ENPP2: variants seen among roughly 807,000 people sequenced by gnomAD.
ENPP2 encodes ectonucleotide pyrophosphatase/phosphodiesterase 2.
A neutral mutation model predicts 120.2 loss-of-function variants in ENPP2; 51 were observed. That is an observed-to-expected ratio of 0.42 (90% CI 0.34 to 0.54). ENPP2 has a LOEUF of 0.54. Ranked by LOEUF, ENPP2 falls within the 20% of genes least tolerant of loss-of-function variation. The pLI is 0.04. For synonymous variants in ENPP2, 365 were observed against 366.4 expected (o/e 1.00, Z 0.04); for missense variants, 920 against 1,066.5 (o/e 0.86, Z 1.91).
intron 6 of ENPP2, 56 bp from the exon 7 acceptor site, chr8:119,617,299 A>G (rs1587490736): frequency 7.1e-7 from 1 of 1,413,304 alleles, no homozygotes. Context: ...TTGCTTATAG[A>G]AAATCCATTT....
intron 1 of ENPP2, among the ~76,000 whole-genome samples, chr8:119,662,017 G>T (rs370771898): frequency 6.6e-6 from 1 of 152,098 alleles, no homozygotes; most frequent in East Asian, 1.9e-4. Flanking sequence ...GAGCCTAGGG[G>T]TGGGAGAAAT....
chr8:119,562,739 T>C (rs1359078835), intron 24 of ENPP2, 118 bp downstream of exon 24: 1 of 1,042,740 alleles, frequency 9.6e-7, no homozygotes, highest in African/African-American at 1.6e-5. Context: ...CTTTCTTTTT[T>C]CTGTTTAGGG....
chr8:119,623,187 C>T (rs762103083), intron 3 of ENPP2, among the ~76,000 whole-genome samples: 4 of 152,068 alleles, frequency 2.6e-5, no homozygotes, highest in Non-Finnish European at 2.9e-5. Context: ...TATTACGGGC[C>T]AGGCTCAGTG....
intron 14 of ENPP2, among the ~76,000 whole-genome samples, chr8:119,586,722 G>A (rs1221547535): frequency 6.6e-6 from 1 of 152,098 alleles, no homozygotes; most frequent in African/African-American, 2.4e-5. Context: ...CCAGCATCCG[G>A]GAACAATGGA....
chr8:119,604,709 A>C (rs548246800), intron 9 of ENPP2, among the ~76,000 whole-genome samples: 1 of 152,278 alleles, frequency 6.6e-6, no homozygotes, highest in African/African-American at 2.4e-5. Context: ...GAAAACAAAT[A>C]CCATTTATTA....
In ENPP2 at chr8:119,589,202, T is replaced by C. The variant is rs539789683; in HGVS notation, c.1207+1303A>G. 2.6e-5 allele frequency among the ~76,000 whole-genome samples: 4 copies of C among 152,336 alleles called. No homozygotes were observed. The East Asian group carries it at 7.7e-4, about 29-fold the overall frequency. Reference sequence around the variant, plus strand: ...TATGTAAACACAATCTCTTGTTTAATCTTCCTAACAATCCTTACCTTGCAG... The same window carrying C: ...TATGTAAACACAATCTCTTGTTTAACCTTCCTAACAATCCTTACCTTGCAG... On this transcript the variant is annotated intron_variant, in intron 13 of 24. Coordinates refer to ENST00000075322, the MANE Select transcript of ENPP2 (RefSeq NM_001040092.3).
intron 13 of ENPP2, among the ~76,000 whole-genome samples, chr8:119,589,095 T>G (rs569583534): frequency 4.6e-5 from 7 of 152,360 alleles, no homozygotes; most frequent in Admixed American, 3.9e-4. Flanking sequence ...TGTCTCTATC[T>G]GAAATAGTGG....
At position 119,638,813 on chromosome 8, in the gene ENPP2, G is replaced by C. The variant is rs745489491; in HGVS notation, c.-33C>G. ...ATTCTTGGAAAGCCTTTTGCAGCGT[G>C]TTCTCTTTGCCTTCACGGAGTGCAC... On this transcript the variant is annotated 5_prime_UTR_variant, in exon 1 of 25. Coordinates refer to ENST00000075322, the MANE Select transcript of ENPP2 (RefSeq NM_001040092.3). The C allele has an allele frequency of 1.9e-6, 3 of 1,613,844 alleles. No homozygotes were observed. The highest frequency in any genetic ancestry group is 2.5e-6 in the Non-Finnish European group (3 of 1,179,734).
rs1587604270 is a variant in ENPP2, at chr8:119,673,130, A to G, written c.21+122T>C. 8.5e-6 allele frequency: 7 copies of G among 819,494 alleles called. No homozygotes were observed. In the Admixed American group the frequency reaches 1.4e-4, roughly 17 times the overall value. 50.8% of individuals were successfully genotyped at this position (819,494 alleles called of 1,614,324 possible). On this transcript the variant is annotated intron_variant, in intron 1 of 25. Transcript: ENST00000427067. ...GCTGAGTGCACGGGAACACAGCCCA[A>G]CAGGGACTGCTTTCCGGCAAACCTG...
intron 13 of ENPP2, among the ~76,000 whole-genome samples, chr8:119,588,107 A>C (rs1184859861): frequency 6.6e-6 from 1 of 152,228 alleles, no homozygotes; most frequent in Non-Finnish European, 1.5e-5. Flanking sequence ...TCTTAGCTCT[A>C]AAGCTTGAAA....
intron 9 of ENPP2, among the ~76,000 whole-genome samples, chr8:119,604,919 GC>G (rs1229995691): frequency 6.6e-6 from 1 of 151,500 alleles, no homozygotes. Flanking sequence ...GATTACAGGC[GC>G]CCACCACCAC....
At chr8:119,578,614 C>A (rs1812512730) in intron 19 of ENPP2, 1 of 152,182 alleles carries the variant, frequency 6.6e-6, no homozygotes, top group Non-Finnish European at 1.5e-5. Flanking sequence ...TCATGAGACT[C>A]CCCATCTTTT....
chr8:119,617,764 ATGG>A (rs1815574558), intron 5 of ENPP2, among the ~76,000 whole-genome samples: 1 of 152,108 alleles, frequency 6.6e-6, no homozygotes, highest in Admixed American at 6.6e-5. Flanking sequence ...GCCTGGCAAC[ATGG>A]TGAAACCCCC....
intron 8 of ENPP2, 29 bp downstream of exon 8, chr8:119,616,236 C>T (rs1815447827): frequency 6.3e-7 from 1 of 1,593,994 alleles, no homozygotes; most frequent in African/African-American, 1.3e-5. Context: ...CACACAAACA[C>T]ATAGACACAC....
At chr8:119,568,357 A>G (rs563747579) in intron 21 of ENPP2, 105 bp from the exon 22 acceptor site, 1 of 687,764 alleles carries the variant, frequency 1.5e-6, no homozygotes, top group South Asian at 1.7e-5. Flanking sequence ...TCCAAACAAC[A>G]TGAAGTAAAT....
At chr8:119,618,714 T>C (rs980229045) in intron 5 of ENPP2, among the ~76,000 whole-genome samples, 1 of 151,838 alleles carries the variant, frequency 6.6e-6, no homozygotes, top group Non-Finnish European at 1.5e-5. Flanking sequence ...ATTTTTTTTT[T>C]AGTAGAGGCG....
At chr8:119,659,334 A>AAAAAAAAC (rs58435393) in intron 1 of ENPP2, among the ~76,000 whole-genome samples, 1 of 130,738 alleles carries the variant, frequency 7.6e-6, no homozygotes, top group African/African-American at 2.7e-5. Flanking sequence ...AAAAAAAAAA[A>AAAAAAAAC]AAACCAGAGT....
intron 24 of ENPP2, among the ~76,000 whole-genome samples, chr8:119,559,438 C>CA (rs1371432275): frequency 6.6e-6 from 1 of 152,160 alleles, no homozygotes; most frequent in Non-Finnish European, 1.5e-5. Context: ...TCTGCAAAAA[C>CA]ATCTGTCTTT....
At chr8:119,628,640 T>C (rs915594892) in intron 2 of ENPP2, among the ~76,000 whole-genome samples, 1 of 152,114 alleles carries the variant, frequency 6.6e-6, no homozygotes, top group Admixed American at 6.6e-5. Context: ...ACAAAATATA[T>C]AAATAAGTTG....
Sources: gnomAD v4.1 joint callset for allele counts (sites outside exome capture counted in the v4.1 genomes callset) on GRCh38, gnomAD v4.1.1 for gene constraint, MANE v1.5 for transcripts, NCBI Gene and HGNC (gene_info 2026-07-23, HGNC 2026-07-21) for gene names.